Variants in ANKRD22 observed in about 807,000 individuals in gnomAD.
ANKRD22 encodes ankyrin repeat domain-containing protein 22.
A neutral mutation model predicts 25.7 loss-of-function variants in ANKRD22; 24 were observed. That is an observed-to-expected ratio of 0.93 (90% CI 0.68 to 1.31). The LOEUF (loss-of-function observed/expected upper bound fraction) is 1.31. ANKRD22 is among the 50% of genes most tolerant of loss of function. The pLI is 0.00. For synonymous variants in ANKRD22, 84 were observed against 84.3 expected (o/e 1.00, Z 0.02); for missense variants, 214 against 227.1 (o/e 0.94, Z 0.37).
Position 88,821,946 on chromosome 10 carries a change from T to A in ANKRD22, c.*995A>T, listed in dbSNP as rs574925885. ...TCCAGATCCTACCTCATTGTATAGCTCTGTTTCTTTTGAAGAACTTTATCC... is the reference window on the plus strand; with the variant it reads ...TCCAGATCCTACCTCATTGTATAGCACTGTTTCTTTTGAAGAACTTTATCC... On this transcript the variant is annotated 3_prime_UTR_variant, in exon 6 of 6. Transcript: ENST00000371930. 1.3e-5 allele frequency among the ~76,000 whole-genome samples: 2 copies of A among 152,274 alleles called. 1 individual carries two copies. The highest frequency in any genetic ancestry group is 4.1e-4 in the South Asian group (2 of 4,838).
intron 1 of ANKRD22, 101 bp downstream of exon 1, chr10:88,851,486 A>G (rs1399401745): frequency 1.5e-6 from 2 of 1,357,812 alleles, no homozygotes; most frequent in Admixed American, 1.7e-5. Context: ...GGAGTTGAAC[A>G]GACAAAACAG....
chr10:88,849,347 G>A (rs149542344), intron 1 of ANKRD22, among the ~76,000 whole-genome samples: 37 of 152,140 alleles, frequency 2.4e-4, no homozygotes, highest in African/African-American at 8.2e-4. Context: ...AGGGAACAGG[G>A]CACCATCCTG....
chr10:88,850,766 G>A (rs140693373), intron 1 of ANKRD22, among the ~76,000 whole-genome samples: 141 of 151,748 alleles, frequency 9.3e-4, no homozygotes, highest in African/African-American at 3.3e-3. Context: ...TTGCACACAC[G>A]GAGAGATATA....
chr10:88,823,427 A>ATGCTATGGTCTGTGGAG, intron 4 of ANKRD22, 49 bp from the exon 5 acceptor site: 9 of 1,365,606 alleles, frequency 6.6e-6, no homozygotes, highest in African/African-American at 1.4e-5. Flanking sequence ...GGCCCTCCAC[A>ATGCTATGGTCTGTGGAG]GACCATAGCA....
chr10:88,820,510 A>T lies in ANKRD22; in HGVS notation c.*2431T>A. ...GTGAGGCCGTATTGTGAAGCATCTG[A>T]CACTGACGATCTTAGGACAACCTCC... On this transcript the variant is annotated 3_prime_UTR_variant, in exon 6 of 6. Transcript: ENST00000371930. 1 of 1,547,452 alleles carries T rather than the reference A, an allele frequency of 6.5e-7. No homozygotes were observed.
Position 88,828,556 on chromosome 10 carries a change from C to A in ANKRD22, c.321+3G>T. On this transcript the variant is annotated splice_donor_region_variant and intron_variant, in intron 3 of 5. Coordinates refer to ENST00000371930, the MANE Select transcript of ANKRD22 (RefSeq NM_144590.3). ...CCCTTTGCTCTACAAGTGTTGTACT[C>A]ACCATGAGGAAATACCCAATAAGCA... 6.3e-7 allele frequency: 1 copy of A among 1,588,398 alleles called. No individual in the cohort carries two copies. Among genetic ancestry groups the A allele is most frequent in the Non-Finnish European group, 8.6e-7 (1 of 1,158,324 alleles).
chr10:88,842,661 A>G (rs1844013197), intron 1 of ANKRD22, among the ~76,000 whole-genome samples: 1 of 152,130 alleles, frequency 6.6e-6, no homozygotes, highest in African/African-American at 2.4e-5. Context: ...AACCTTCCCA[A>G]GCATCTGCAG....
In ANKRD22 at chr10:88,822,544, C is replaced by CTGCTTGTT. The variant is rs1554832256; in HGVS notation, c.*396_*397insAACAAGCA. 2.7e-5 allele frequency: 1 copy of CTGCTTGTT among 36,438 alleles called. No homozygotes were observed. Among genetic ancestry groups the CTGCTTGTT allele is most frequent in the Non-Finnish European group, 5.9e-5 (1 of 17,014 alleles). 2.3% of individuals were successfully genotyped at this position (36,438 alleles called of 1,614,324 possible). The stretch of plus-strand genomic sequence containing the variant: ...AAAGACTGAGTTTGGAACACCAGGG[C>CTGCTTGTT]TTTTTTTTTTTTTTTTTTTTTTGAG... On this transcript the variant is annotated 3_prime_UTR_variant, in exon 6 of 6. Transcript: ENST00000371930.
chr10:88,845,067 A>G lies in ANKRD22; in HGVS notation c.21+6520T>C, dbSNP rs111569740. ...TTTTTGTCTTGTCCTGTCCTCTTAC[A>G]AAACTTGAGAAACTCACTTCTCCTC... On this transcript the variant is annotated intron_variant, in intron 1 of 5. Transcript: ENST00000371930. 2.2e-4 allele frequency among the ~76,000 whole-genome samples: 13 copies of G among 58,412 alleles called. 2 individuals are homozygous for G. The highest frequency in any genetic ancestry group is 1.2e-3 in the African/African-American group (13 of 11,016). The allele number at this position is 58,412 out of a possible 152,430, so 38.3% of individuals were successfully genotyped here.
At chr10:88,828,429 A>G (rs1321541205) in intron 3 of ANKRD22, 130 bp downstream of exon 3, 1 of 730,338 alleles carries the variant, frequency 1.4e-6, no homozygotes, top group African/African-American at 1.8e-5. Flanking sequence ...GAACATGTCA[A>G]TTACAGAATA....
At chr10:88,825,112 G>A (rs1486589260) in intron 4 of ANKRD22, among the ~76,000 whole-genome samples, 2 of 151,406 alleles carry the variant, frequency 1.3e-5, no homozygotes, top group Admixed American at 6.6e-5. Flanking sequence ...GATAGAAACA[G>A]GAATGGGGCC....
intron 4 of ANKRD22, 171 bp from the exon 5 acceptor site, chr10:88,823,549 C>T (rs1184634619): frequency 1.6e-5 from 9 of 572,856 alleles, no homozygotes; most frequent in Admixed American, 9.2e-5. Context: ...AATTTTTCGC[C>T]GGGCGCGGTG....
Position 88,826,129 on chromosome 10 carries a change from T to C in ANKRD22, c.322-14A>G, listed in dbSNP as rs1358748304. On this transcript the variant is annotated splice_polypyrimidine_tract_variant and intron_variant, in intron 3 of 5. Coordinates refer to ENST00000371930, the MANE Select transcript of ANKRD22 (RefSeq NM_144590.3). Reference sequence around the variant, plus strand: ...TGTCTTTGATACCTATTACAAATGGTAATTATAAGAAAGGCTTATTTACAA... The same window carrying C: ...TGTCTTTGATACCTATTACAAATGGCAATTATAAGAAAGGCTTATTTACAA... The C allele has an allele frequency of 6.3e-7, 1 of 1,588,506 alleles. No homozygotes were observed.
chr10:88,833,427 A>G (rs1284345311), intron 1 of ANKRD22, among the ~76,000 whole-genome samples: 2 of 152,210 alleles, frequency 1.3e-5, no homozygotes, highest in Non-Finnish European at 2.9e-5. Context: ...TGTAAAATGT[A>G]TCTGTCAAGT....
chr10:88,839,259 A>G (rs1239826885), intron 1 of ANKRD22, among the ~76,000 whole-genome samples: 2 of 152,118 alleles, frequency 1.3e-5, no homozygotes, highest in African/African-American at 2.4e-5. Context: ...TCTCTCTCTC[A>G]CATAATCTTG....
At chr10:88,843,991 C>T (rs1020248608) in intron 1 of ANKRD22, among the ~76,000 whole-genome samples, 6 of 151,920 alleles carry the variant, frequency 3.9e-5, no homozygotes, top group Admixed American at 6.6e-5. Context: ...CTAACAAACC[C>T]GACATTTTTA....
chr10:88,847,379 C>T (rs1844059123), intron 1 of ANKRD22, among the ~76,000 whole-genome samples: 1 of 152,100 alleles, frequency 6.6e-6, no homozygotes, highest in Non-Finnish European at 1.5e-5. Flanking sequence ...CTGCCTCAGC[C>T]TCCCAAGTAG....
At chr10:88,843,602 T>C (rs1366965536) in intron 1 of ANKRD22, among the ~76,000 whole-genome samples, 1 of 152,188 alleles carries the variant, frequency 6.6e-6, no homozygotes, top group Non-Finnish European at 1.5e-5. Flanking sequence ...AGTTGTATTA[T>C]TTCAGTGTAA....
chr10:88,835,274 A>C (rs986777683), intron 1 of ANKRD22, among the ~76,000 whole-genome samples: 1 of 152,154 alleles, frequency 6.6e-6, no homozygotes, highest in African/African-American at 2.4e-5. Flanking sequence ...TACTAACCCT[A>C]TCTTTAGTCT....
Sources: allele counts gnomAD v4.1 joint callset (sites outside exome capture counted in the v4.1 genomes callset), GRCh38; gene constraint gnomAD v4.1.1; transcripts MANE v1.5; gene names NCBI Gene and HGNC (gene_info 2026-07-23, HGNC 2026-07-21).